ENDOV: variants seen among roughly 807,000 people sequenced by gnomAD.
The protein encoded by ENDOV is endonuclease V.
A neutral mutation model predicts 39.4 loss-of-function variants in ENDOV; 37 were observed. That is an observed-to-expected ratio of 0.94 (90% CI 0.72 to 1.23). The LOEUF is 1.23. Among genes scored for constraint, ENDOV ranks in the 50% most tolerant of loss-of-function variants. The pLI, the probability that ENDOV is intolerant of heterozygous loss-of-function variation, is 0.00. For missense variants in ENDOV, 441 were observed against 375.7 expected, an observed-to-expected ratio of 1.17 and a Z score of -1.44; for synonymous variants, 186 against 163.4, an observed-to-expected ratio of 1.14 and a Z score of -1.05.
intron 7 of ENDOV, among the ~76,000 whole-genome samples, chr17:80,427,110 T>G (rs184923207): frequency 6.6e-6 from 1 of 152,358 alleles, no homozygotes; most frequent in African/African-American, 2.4e-5. Flanking sequence ...GGAGCTGTGC[T>G]CAGTGGTGGC....
intron 2 of ENDOV, chr17:80,419,784 CA>C (rs1172725515): frequency 3.0e-6 from 2 of 665,812 alleles, no homozygotes; most frequent in Admixed American, 2.1e-5. Flanking sequence ...CACTCAGAAT[CA>C]AATGCAGGAA....
At chr17:80,415,619 C>T in intron 1 of ENDOV, 31 bp from the exon 2 acceptor site, 1 of 1,605,344 alleles carries the variant, frequency 6.2e-7, no homozygotes, top group African/African-American at 1.3e-5. Flanking sequence ...AGGTGTGACC[C>T]CGACCAAGTT....
intron 5 of ENDOV, 137 bp downstream of exon 5, chr17:80,423,769 A>G (rs1177503610): frequency 2.5e-6 from 2 of 792,612 alleles, no homozygotes; most frequent in East Asian, 5.5e-5. Context: ...GGCCTGGAGT[A>G]AGAAAGACCT....
At position 80,433,981 on chromosome 17, in the gene ENDOV, T is replaced by C. The variant is rs573347241; in HGVS notation, c.839-2152T>C. ...TTGACTTTTGGTATATTCACAATCA[T>C]GTGCAACCATCATTACTGTTTAGTT... On this transcript the variant is annotated intron_variant, in intron 9 of 9. Coordinates refer to ENST00000518137, the MANE Select transcript of ENDOV (RefSeq NM_173627.5). 2.6e-4 allele frequency among the ~76,000 whole-genome samples: 40 copies of C among 152,382 alleles called. 1 individual carries two copies. The South Asian group carries it at 7.5e-3, about 28-fold the overall frequency.
At chr17:80,423,858 C>T in intron 5 of ENDOV, 2 of 547,836 alleles carry the variant, frequency 3.7e-6, no homozygotes, top group Non-Finnish European at 6.5e-6. Context: ...GTGTGCCTGC[C>T]TCTCTGGTCC....
chr17:80,427,186 C>T (rs1005518260), intron 7 of ENDOV, among the ~76,000 whole-genome samples: 2 of 152,240 alleles, frequency 1.3e-5, no homozygotes, highest in African/African-American at 4.8e-5. Context: ...GACTCTCAAG[C>T]CTGTGAGCTG....
intron 7 of ENDOV, chr17:80,428,387 C>T: frequency 1.7e-6 from 1 of 582,892 alleles, no homozygotes; most frequent in Non-Finnish European, 3.1e-6. Flanking sequence ...TTGAGAGCTG[C>T]CATTGCGGGG....
At chr17:80,420,340 G>C (rs1413849758) in intron 2 of ENDOV, 1 of 152,250 alleles carries the variant, frequency 6.6e-6, no homozygotes, top group African/African-American at 2.4e-5. Context: ...ACTGTGCAAA[G>C]TGACTTTTAC....
chr17:80,436,017 A>G lies in ENDOV; in HGVS notation c.839-116A>G, dbSNP rs1043296380. 3 of 1,177,414 alleles carry G rather than the reference A, an allele frequency of 2.5e-6. No homozygotes were observed. The African/African-American group carries it at 4.5e-5, about 18-fold the overall frequency. 72.9% of individuals were successfully genotyped at this position (1,177,414 alleles called of 1,614,324 possible). On this transcript the variant is annotated intron_variant, in intron 9 of 9. Transcript: ENST00000518137. Reference sequence around the variant, plus strand: ...CTTTCCTCCCACCTCGGCCTCCCCAAGTGCTGAGATTACAGGCGCGAGCCA... The same window carrying G: ...CTTTCCTCCCACCTCGGCCTCCCCAGGTGCTGAGATTACAGGCGCGAGCCA...
rs1305972899 is a variant in ENDOV at position 80,415,170 on chromosome 17, CG to C, written c.-23del. On this transcript the variant is annotated 5_prime_UTR_variant, in exon 1 of 10. Coordinates refer to ENST00000518137, the MANE Select transcript of ENDOV (RefSeq NM_173627.5). ...GCGAGTCGCTTCCGGAAGTGACGTG[CG>C]GAAGGGGTGCCCGGGACGAAGCCAT... 39 of 1,611,526 alleles carry C rather than the reference CG, an allele frequency of 2.4e-5. No individual in the cohort carries two copies. Among genetic ancestry groups the C allele is most frequent in the Non-Finnish European group, 3.1e-5 (37 of 1,179,112 alleles).
At chr17:80,419,108 G>A (rs2081590648) in intron 2 of ENDOV, among the ~76,000 whole-genome samples, 1 of 149,642 alleles carries the variant, frequency 6.7e-6, no homozygotes, top group Non-Finnish European at 1.5e-5. Flanking sequence ...GGGAGGCGGA[G>A]CTTGCAGTGA....
chr17:80,425,333 C>A, intron 6 of ENDOV, 159 bp from the exon 7 acceptor site: 1 of 1,126,836 alleles, frequency 8.9e-7, no homozygotes, highest in Non-Finnish European at 1.2e-6. Flanking sequence ...AGCAGGAAGG[C>A]GCCCTGAGGG....
chr17:80,430,734 C>T (rs547367371), intron 9 of ENDOV, among the ~76,000 whole-genome samples: 27 of 152,298 alleles, frequency 1.8e-4, no homozygotes, highest in African/African-American at 6.0e-4. Flanking sequence ...GCTCTGTGCC[C>T]GGCGGGGGCT....
chr17:80,420,510 G>A (rs1030166288), intron 2 of ENDOV: 6 of 152,206 alleles, frequency 3.9e-5, no homozygotes, highest in African/African-American at 1.2e-4. Context: ...AACCCTCTGT[G>A]CTAATACAGA....
At chr17:80,432,555 A>G (rs1484604373) in intron 9 of ENDOV, among the ~76,000 whole-genome samples, 1 of 152,104 alleles carries the variant, frequency 6.6e-6, no homozygotes, top group Non-Finnish European at 1.5e-5. Flanking sequence ...GTTGGGGGAC[A>G]GGGAGGCAGA....
At chr17:80,422,009 T>C (rs569527779) in intron 3 of ENDOV, 47 bp downstream of exon 3, 2 of 1,595,234 alleles carry the variant, frequency 1.3e-6, no homozygotes, top group African/African-American at 1.3e-5. Context: ...TCCTTCCCCC[T>C]GGGGGAGGGA....
At chr17:80,426,809 C>T (rs192378806) in intron 7 of ENDOV, among the ~76,000 whole-genome samples, 5 of 152,340 alleles carry the variant, frequency 3.3e-5, no homozygotes, top group Admixed American at 6.5e-5. Flanking sequence ...GGCAGCGGGG[C>T]GCCCGCAGAT....
intron 9 of ENDOV, chr17:80,433,246 T>C (rs1444643592): frequency 1.9e-5 from 10 of 519,454 alleles, no homozygotes; most frequent in Non-Finnish European, 3.5e-5. Context: ...CAGGGGTCAG[T>C]ACCTGCCCAT....
intron 7 of ENDOV, 112 bp from the exon 8 acceptor site, chr17:80,428,484 T>C: frequency 9.8e-7 from 1 of 1,022,848 alleles, no homozygotes; most frequent in Non-Finnish European, 1.5e-6. Context: ...CTGTGACCTG[T>C]GTGTCCTGAG....
Sources: allele counts gnomAD v4.1 joint callset (sites outside exome capture counted in the v4.1 genomes callset), GRCh38; gene constraint gnomAD v4.1.1; transcripts MANE v1.5; gene names NCBI Gene and HGNC (gene_info 2026-07-23, HGNC 2026-07-21).